STAU1: variants seen among roughly 807,000 people sequenced by gnomAD.
STAU1 encodes the protein staufen double-stranded RNA binding protein 1, also known as double-stranded RNA-binding protein Staufen homolog 1.
Under a neutral mutation model 62.9 loss-of-function variants are expected in STAU1, and 13 were observed. The observed-to-expected ratio is 0.21, with a 90% CI of 0.13 to 0.33. The LOEUF is 0.33. STAU1 is among the 10% of genes least tolerant of loss of function. The pLI is 1.00. For missense variants in STAU1, 571 were observed against 712.1 expected, an observed-to-expected ratio of 0.80 and a Z score of 2.25; for synonymous variants, 269 against 265.1, an observed-to-expected ratio of 1.01 and a Z score of -0.14.
the STAU1 span, among the ~76,000 whole-genome samples, chr20:49,212,522 G>GT: frequency 1.3e-5 from 2 of 148,756 alleles, no homozygotes; most frequent in African/African-American, 5.0e-5. Context: ...TCCTTTCTCT[G>GT]TTTTTTCATT....
chr20:49,122,900 G>C (rs185642563), intron 8 of STAU1, among the ~76,000 whole-genome samples, 192 bp downstream of exon 8: 1 of 149,914 alleles, frequency 6.7e-6, no homozygotes, highest in Non-Finnish European at 1.5e-5. Flanking sequence ...CTGGGCGACA[G>C]AGTGAGACTC....
At chr20:49,154,093 G>A in intron 3 of STAU1, 22 bp from the exon 4 acceptor site, 3 of 1,583,966 alleles carry the variant, frequency 1.9e-6, no homozygotes, top group Non-Finnish European at 2.6e-6. Flanking sequence ...AATCGACAAA[G>A]AACTGTTTTT....
At chr20:49,126,588 C>CAAAAAAAAAAACAAAAAAAAAAACA in intron 6 of STAU1, among the ~76,000 whole-genome samples, 2 of 56,348 alleles carry the variant, frequency 3.5e-5, no homozygotes, top group African/African-American at 1.3e-4. Flanking sequence ...AAAAAAAAAA[C>CAAAAAAAAAAACAAAAAAAAAAACA]AAAAAAAAAA....
intron 3 of STAU1, among the ~76,000 whole-genome samples, chr20:49,160,550 G>A (rs537090713): frequency 6.6e-6 from 1 of 152,282 alleles, no homozygotes; most frequent in African/African-American, 2.4e-5. Context: ...TTAAGTTCCA[G>A]AATGTGCTGT....
intron 7 of STAU1, among the ~76,000 whole-genome samples, chr20:49,123,754 A>G (rs1214206259): frequency 6.6e-6 from 1 of 152,240 alleles, no homozygotes; most frequent in African/African-American, 2.4e-5. Context: ...TCCAGGCTAT[A>G]TTAAGCAAAA....
At chr20:49,206,168 A>AT in the STAU1 span, among the ~76,000 whole-genome samples, 19 of 110,156 alleles carry the variant, frequency 1.7e-4, no homozygotes, top group Non-Finnish European at 3.7e-4. Flanking sequence ...TTTTTTTTGT[A>AT]TTTTTTGTAA....
chr20:49,185,943 G>C (rs1293557744), intron 1 of STAU1, among the ~76,000 whole-genome samples: 1 of 151,852 alleles, frequency 6.6e-6, no homozygotes, highest in Non-Finnish European at 1.5e-5. Context: ...CCGGGTTCAA[G>C]CGATTCTCCT....
intron 6 of STAU1, among the ~76,000 whole-genome samples, chr20:49,127,811 G>C (rs2092664237): frequency 6.6e-6 from 1 of 152,072 alleles, no homozygotes; most frequent in Non-Finnish European, 1.5e-5. Flanking sequence ...CCAGGAGTTT[G>C]AGACCAGCCT....
chr20:49,176,938 GTCTC>G (rs1004944009), intron 1 of STAU1, among the ~76,000 whole-genome samples: 7 of 146,238 alleles, frequency 4.8e-5, no homozygotes, highest in African/African-American at 1.8e-4. Flanking sequence ...TTGAGACAGA[GTCTC>G]GCTCTGTTGC....
chr20:49,118,016 C>T lies in STAU1; in HGVS notation c.1270G>A (p.Val424Ile). 2 of 1,614,160 alleles carry T rather than the reference C, an allele frequency of 1.2e-6. No homozygotes were observed. The highest frequency in any genetic ancestry group is 2.2e-5 in the East Asian group (1 of 44,892). Residue 424 changes from valine (V) to isoleucine (I), a missense_variant, in exon 11 of 14, where the codon GTC (valine) becomes ATC (isoleucine). By Grantham distance (29) the Val-to-Ile change is conservative (BLOSUM62 3). This residue lies in a region of STAU1 where 156 missense variants were observed against 194.7 expected (regional missense o/e 0.80). Transcript: ENST00000371856. ...PAGILPMVPE[V>I]AQAVGVSQGH... ...TGACTAACTCCTACAGCCTGGGCGA[C>T]CTCGGGCACCATGGGAAGAATTCCA...
At chr20:49,134,422 A>G in intron 6 of STAU1, 1 of 572,410 alleles carries the variant, frequency 1.7e-6, no homozygotes, top group Non-Finnish European at 3.1e-6. Context: ...CAAGAGTGAA[A>G]CTCATCTCAG....
intron 12 of STAU1, among the ~76,000 whole-genome samples, chr20:49,116,591 A>T (rs1204511620): frequency 6.6e-6 from 1 of 152,022 alleles, no homozygotes; most frequent in Non-Finnish European, 1.5e-5. Context: ...CGCCTGCCTC[A>T]GCCTCCCGCA....
At chr20:49,144,584 C>T (rs1031703021) in intron 5 of STAU1, among the ~76,000 whole-genome samples, 1 of 152,140 alleles carries the variant, frequency 6.6e-6, no homozygotes, top group Non-Finnish European at 1.5e-5. Flanking sequence ...TCAGAAATGT[C>T]TTCCTCTGTC....
At chr20:49,147,443 A>T (rs186425161) in intron 5 of STAU1, among the ~76,000 whole-genome samples, 1 of 152,312 alleles carries the variant, frequency 6.6e-6, no homozygotes, top group East Asian at 1.9e-4. Flanking sequence ...TGCTCCACAA[A>T]TATGCCACAG....
chr20:49,165,374 T>C (rs2093510046), intron 3 of STAU1, among the ~76,000 whole-genome samples: 1 of 151,038 alleles, frequency 6.6e-6, no homozygotes. Flanking sequence ...AGTGTCTCCC[T>C]CTTGCCCAGG....
intron 6 of STAU1, 83 bp from the exon 7 acceptor site, chr20:49,124,670 A>G (rs2092550547): frequency 7.0e-7 from 1 of 1,425,122 alleles, no homozygotes; most frequent in African/African-American, 1.4e-5. Context: ...CACTTCACAC[A>G]GACACAGGGA....
At chr20:49,137,826 C>T (rs1261429452) in intron 5 of STAU1, among the ~76,000 whole-genome samples, 4 of 140,204 alleles carry the variant, frequency 2.9e-5, no homozygotes, top group Admixed American at 7.4e-5. Flanking sequence ...CCACCACACC[C>T]GGCTAATTTT....
chr20:49,155,707 C>T (rs889723551), intron 3 of STAU1, among the ~76,000 whole-genome samples: 5 of 152,204 alleles, frequency 3.3e-5, no homozygotes, highest in African/African-American at 1.2e-4. Context: ...AGATCTCTCT[C>T]TTCCTTGCAT....
the STAU1 span, among the ~76,000 whole-genome samples, chr20:49,206,414 G>GTTTTT: frequency 6.7e-4 from 51 of 76,626 alleles, no homozygotes; most frequent in African/African-American, 1.8e-3. Flanking sequence ...CTTCCTTCTG[G>GTTTTT]TTTTTTTTTT....
Sources: gnomAD v4.1 joint callset for allele counts (sites outside exome capture counted in the v4.1 genomes callset) on GRCh38, gnomAD v4.1.1 for gene constraint, gnomAD v4.1.1 regional missense constraint, MANE v1.5 for transcripts, NCBI Gene and HGNC (gene_info 2026-07-23, HGNC 2026-07-21) for gene names.